MAPKBP1: variants seen among roughly 807,000 people sequenced by gnomAD.
MAPKBP1 encodes the protein mitogen-activated protein kinase binding protein 1.
MAPKBP1 carries 71 observed loss-of-function variants against 170.5 expected under a neutral mutation model. The observed-to-expected ratio is 0.42, with a 90% CI of 0.34 to 0.51. The LOEUF (loss-of-function observed/expected upper bound fraction) is 0.51, where lower values mean the gene tolerates loss of function less well. Ranked by LOEUF, MAPKBP1 falls within the 20% of genes least tolerant of loss-of-function variation. The probability of loss-of-function intolerance (pLI) is 0.06; values close to 1 mark genes in which losing one functional copy is unlikely to be tolerated. For synonymous variants in MAPKBP1, 719 were observed against 757.9 expected (o/e 0.95, Z 0.84); for missense variants, 1,598 against 1,933.0 (o/e 0.83, Z 3.25).
At chr15:41,788,084 A>G (rs980270039) in intron 2 of MAPKBP1, among the ~76,000 whole-genome samples, 1 of 151,842 alleles carries the variant, frequency 6.6e-6, no homozygotes, top group African/African-American at 2.4e-5. Flanking sequence ...CAGCCTCCCA[A>G]GTAGCTGCGA....
Position 41,823,471 on chromosome 15 carries a change from C to A in MAPKBP1, c.3623C>A (p.Ala1208Asp). The stretch of plus-strand genomic sequence containing the variant: ...GAAAGACATGAGGCCAGTCTGCAGG[C>A]CCCTTCACCAGGCGCACTGCTGTCT... Reference protein sequence around the residue: ...PQERHEASLQAPSPGALLSRE... With the variant: ...PQERHEASLQDPSPGALLSRE... Residue 1208 changes from alanine (A) to aspartate (D), a missense_variant, in exon 29 of 31, where the codon GCC becomes GAC. Ala to Asp is a moderately radical substitution (Grantham distance 126, BLOSUM62 -2). Transcript: ENST00000457542. 2 of 1,613,372 alleles carry A rather than the reference C, an allele frequency of 1.2e-6. No homozygotes were observed. Among genetic ancestry groups the A allele is most frequent in the Non-Finnish European group, 1.7e-6 (2 of 1,179,564 alleles).
chr15:41,817,556 T>C lies in MAPKBP1; in HGVS notation c.1783-58T>C. 1 of 1,613,538 alleles carries C rather than the reference T, an allele frequency of 6.2e-7. No individual in the cohort carries two copies. On this transcript the variant is annotated intron_variant, in intron 15 of 30. Transcript: ENST00000457542. This position sits in a 1 kb window ranked among gnomAD's most constrained non-coding sequence, Gnocchi z 4.2. ...AGGTGAAGGGAGGCGCAAGTAGGGC[T>C]CTTGGGGCCTGGTGAGGCATTTGGG...
chr15:41,823,047 A>G lies in MAPKBP1; in HGVS notation c.3423A>G (p.Ala1141=), dbSNP rs1229701270. The G allele has an allele frequency of 1.9e-6, 3 of 1,613,022 alleles. No individual in the cohort carries two copies. The highest frequency in any genetic ancestry group is 1.1e-5 in the South Asian group (1 of 91,050). ...GCAATGGTGCCAATCCCCCTGGAGC[A>G]CCCCCGGAGGTGGAACCGTCCTCTG... is the stretch of plus-strand genomic sequence containing the variant. ...PRGNGANPPG[A]PPEVEPSSGN... Residue 1141 remains alanine (A), a synonymous_variant, in exon 28 of 31, where the codon GCA becomes GCG. Coordinates refer to ENST00000457542, the MANE Select transcript of MAPKBP1 (RefSeq NM_014994.3).
chr15:41,777,179 A>G (rs2064112414), intron 2 of MAPKBP1, among the ~76,000 whole-genome samples: 1 of 152,042 alleles, frequency 6.6e-6, no homozygotes, highest in Non-Finnish European at 1.5e-5. Context: ...CATCTCTACT[A>G]AAAATACAAA....
rs537550156 is a variant in MAPKBP1 at position 41,822,978 on chromosome 15, G to A, written c.3354G>A (p.Ser1118=). Residue 1118 remains serine, a synonymous_variant, in exon 28 of 31, where the codon TCG becomes TCA. Transcript: ENST00000457542. The part of the protein sequence containing the change: ...SPSSSSLALM[S]RPAQVPQASG... ...CCTCCTCAAGCCTGGCACTGATGTC[G>A]AGACCAGCCCAGGTGCCACAGGCAT... The A allele has an allele frequency of 1.9e-5, 30 of 1,613,646 alleles. 1 individual carries two copies. The highest frequency in any genetic ancestry group is 8.8e-5 in the South Asian group (8 of 91,034).
At chr15:41,796,234 A>T (rs1374587154) in intron 2 of MAPKBP1, among the ~76,000 whole-genome samples, 4 of 152,196 alleles carry the variant, frequency 2.6e-5, no homozygotes, top group Non-Finnish European at 4.4e-5. Context: ...AGCCAGCTCC[A>T]GCACACCACC....
intron 3 of MAPKBP1, among the ~76,000 whole-genome samples, chr15:41,810,351 C>T (rs965769980): frequency 6.6e-6 from 1 of 152,058 alleles, no homozygotes; most frequent in African/African-American, 2.4e-5. Context: ...CCAGGGAACC[C>T]TTTCACCCTC....
At chr15:41,800,635 C>T (rs936639715) in intron 3 of MAPKBP1, among the ~76,000 whole-genome samples, 6 of 148,190 alleles carry the variant, frequency 4.0e-5, no homozygotes, top group Non-Finnish European at 9.0e-5. Context: ...GTGCCTGGCC[C>T]CATTCCTATC....
rs201784837 is a variant in MAPKBP1, at chr15:41,822,345, A to G, written c.3152A>G (p.Glu1051Gly). The change falls in exon 26 of 31, where the codon GAG becomes GGG. Residue 1051 changes from glutamate (E) to glycine (G), a missense_variant. Transcript: ENST00000457542. ...GGCATGGGCCCCTATGGGCTACAGG[A>G]GGGCAGCCCCCAGACTCCAGACCAG... ...EGGMGPYGLQEGSPQTPDQEQ... is the reference protein window; with the variant it reads ...EGGMGPYGLQGGSPQTPDQEQ... The G allele has an allele frequency of 5.0e-6, 8 of 1,614,038 alleles. No individual in the cohort carries two copies. In the Admixed American group the frequency reaches 8.3e-5, roughly 17 times the overall value.
At position 41,821,907 on chromosome 15, in the gene MAPKBP1, G is replaced by A. The variant is rs544559537; in HGVS notation, c.2886-58G>A. ...CCCTGATCACAGGCAGGAGTCCAGC[G>A]GGGCTGCTGCCTACCCCTGCTCACT... is the stretch of plus-strand genomic sequence containing the variant. On this transcript the variant is annotated intron_variant, in intron 24 of 30. Coordinates refer to ENST00000457542, the MANE Select transcript of MAPKBP1 (RefSeq NM_014994.3). The A allele has an allele frequency of 3.6e-4, 576 of 1,583,200 alleles. 7 individuals are homozygous for A. In the South Asian group the frequency reaches 4.5e-3, roughly 12 times the overall value.
chr15:41,778,417 C>A (rs1381210121), intron 2 of MAPKBP1, among the ~76,000 whole-genome samples: 2 of 152,104 alleles, frequency 1.3e-5, no homozygotes, highest in Non-Finnish European at 2.9e-5. Context: ...CAGGGGAGAC[C>A]TAGTTAAAAA....
intron 23 of MAPKBP1, 109 bp from the exon 24 acceptor site, chr15:41,821,475 T>G (rs2064994146): frequency 3.0e-6 from 3 of 1,016,252 alleles, no homozygotes; most frequent in Non-Finnish European, 4.5e-6. Flanking sequence ...CACCTCCACC[T>G]CTTCTCCAAG....
chr15:41,780,382 T>A (rs915851373), intron 2 of MAPKBP1, among the ~76,000 whole-genome samples: 5 of 152,232 alleles, frequency 3.3e-5, no homozygotes, highest in Non-Finnish European at 5.9e-5. Context: ...CTGTTATCAC[T>A]GACCCTTTGT....
rs950907372 is a variant in MAPKBP1, at chr15:41,827,729, T to A, written c.*2293T>A. The A allele has an allele frequency of 2.9e-5, 5 of 172,400 alleles. No homozygotes were observed. In the Admixed American group the frequency reaches 3.2e-4, roughly 11 times the overall value. 10.7% of individuals were successfully genotyped at this position (172,400 alleles called of 1,614,324 possible). On this transcript the variant is annotated 3_prime_UTR_variant, in exon 31 of 31. Coordinates refer to ENST00000457542, the MANE Select transcript of MAPKBP1 (RefSeq NM_014994.3). ...GTTTTGAAAGCCCCTTATTTATAACTTTTATACTTTGTGCAGGTCGCGGCG... is the reference window on the plus strand; with the variant it reads ...GTTTTGAAAGCCCCTTATTTATAACATTTATACTTTGTGCAGGTCGCGGCG...
chr15:41,797,106 C>T (rs919144096), intron 2 of MAPKBP1, among the ~76,000 whole-genome samples: 8 of 152,064 alleles, frequency 5.3e-5, no homozygotes, highest in Non-Finnish European at 1.2e-4. Context: ...GTGTTAGTAG[C>T]CCACGTCTCC....
At chr15:41,796,575 C>A (rs1166445134) in intron 2 of MAPKBP1, among the ~76,000 whole-genome samples, 1 of 152,112 alleles carries the variant, frequency 6.6e-6, no homozygotes, top group Non-Finnish European at 1.5e-5. Flanking sequence ...CCTGCTCCTC[C>A]CCTTCCACAG....
In MAPKBP1 at chr15:41,822,076, C is replaced by T; in HGVS notation, c.2997C>T (p.Ser999=). 6.2e-7 allele frequency: 1 copy of T among 1,608,684 alleles called. No individual in the cohort carries two copies. Among genetic ancestry groups the T allele is most frequent in the Non-Finnish European group, 8.5e-7 (1 of 1,177,448 alleles). ...PDSACSVDYS[S]SCLSSPEHPT... is the part of the protein sequence containing the mutation. ...GTGCCTGCTCTGTGGATTACAGCAG[C>T]AGCTGCCTTTCCAGCCCGGAGCACC... The change falls in exon 25 of 31, where the codon AGC becomes AGT. Residue 999 remains serine, a synonymous_variant. Coordinates refer to ENST00000457542, the MANE Select transcript of MAPKBP1 (RefSeq NM_014994.3).
intron 30 of MAPKBP1, 99 bp from the exon 31 acceptor site, chr15:41,825,110 C>A: frequency 2.4e-6 from 2 of 844,446 alleles, no homozygotes; most frequent in Non-Finnish European, 3.7e-6. Flanking sequence ...GAGTTCCCAG[C>A]TAGTCCCTTC....
At chr15:41,799,594 A>C (rs1357743010) in intron 2 of MAPKBP1, among the ~76,000 whole-genome samples, 2 of 152,198 alleles carry the variant, frequency 1.3e-5, no homozygotes. Context: ...CTGTGGTACC[A>C]GCAGACTGAG....
Sources: allele counts gnomAD v4.1 joint callset (sites outside exome capture counted in the v4.1 genomes callset), GRCh38; gene constraint gnomAD v4.1.1; non-coding constraint Gnocchi (gnomAD v3.1); transcripts MANE v1.5; gene names NCBI Gene and HGNC (gene_info 2026-07-23, HGNC 2026-07-21).